PHKB: variants seen among roughly 807,000 people sequenced by gnomAD.
PHKB encodes the protein phosphorylase b kinase regulatory subunit beta.
A neutral mutation model predicts 152.1 loss-of-function variants in PHKB; 122 were observed. The observed-to-expected ratio is 0.80, with a 90% confidence interval of 0.69 to 0.93. The LOEUF (loss-of-function observed/expected upper bound fraction) is 0.93, where lower values mean the gene tolerates loss of function less well. PHKB is among the 40% of genes least tolerant of loss of function. The pLI, the probability that PHKB is intolerant of heterozygous loss-of-function variation, is 0.00. For missense variants in PHKB, 1,304 were observed against 1,328.4 expected, an observed-to-expected ratio of 0.98 and a Z score of 0.29; for synonymous variants, 436 against 464.9, an observed-to-expected ratio of 0.94 and a Z score of 0.80.
chr16:47,542,922 A>G (rs1236619445), intron 6 of PHKB, among the ~76,000 whole-genome samples: 1 of 152,138 alleles, frequency 6.6e-6, no homozygotes, highest in Admixed American at 6.6e-5. Flanking sequence ...GGGTTTTCTA[A>G]ATATACAATC....
At chr16:47,504,884 G>T (rs796922816) in intron 4 of PHKB, among the ~76,000 whole-genome samples, 1 of 152,218 alleles carries the variant, frequency 6.6e-6, no homozygotes, top group African/African-American at 2.4e-5. Context: ...CACCCAGGGC[G>T]GTGCCCCAGA....
chr16:47,663,619 A>G, intron 23 of PHKB, 58 bp from the exon 24 acceptor site: 1 of 1,381,142 alleles, frequency 7.2e-7, no homozygotes, highest in Admixed American at 1.7e-5. Context: ...AGAGGAATAA[A>G]TGTTGTGCAT....
chr16:47,699,522 A>C lies in PHKB; in HGVS notation c.*156A>C. The C allele has an allele frequency of 1.2e-6, 1 of 812,264 alleles. No homozygotes were observed. Among genetic ancestry groups the C allele is most frequent in the South Asian group, 1.4e-5 (1 of 72,904 alleles). The allele number at this position is 812,264 out of a possible 1,614,324, so 50.3% of individuals were successfully genotyped here. A position where few individuals can be genotyped will look rare whatever the true frequency, so the allele number is the denominator to read the frequency against. On this transcript the variant is annotated 3_prime_UTR_variant, in exon 31 of 31. Transcript: ENST00000323584. Reference sequence around the variant, plus strand: ...CGGGGTTATGGACCTCTTGCATGTCATAGCCAATCTAACGGTAATGGTAAA... The same window carrying C: ...CGGGGTTATGGACCTCTTGCATGTCCTAGCCAATCTAACGGTAATGGTAAA...
intron 13 of PHKB, among the ~76,000 whole-genome samples, chr16:47,609,332 A>G (rs1283611144): frequency 1.3e-5 from 2 of 149,054 alleles, no homozygotes; most frequent in Non-Finnish European, 3.0e-5. Flanking sequence ...TTGTGTCTAT[A>G]TTCATACAGA....
intron 6 of PHKB, among the ~76,000 whole-genome samples, chr16:47,543,114 T>A (rs1271984776): frequency 1.3e-5 from 2 of 152,226 alleles, no homozygotes; most frequent in African/African-American, 4.8e-5. Context: ...TTTTGCCCAT[T>A]CAGTGTGATA....
chr16:47,523,703 C>T (rs149880271), intron 6 of PHKB, among the ~76,000 whole-genome samples: 4 of 152,282 alleles, frequency 2.6e-5, no homozygotes, highest in Non-Finnish European at 4.4e-5. Flanking sequence ...GACACTTCAT[C>T]CCCCAGGTTT....
intron 16 of PHKB, among the ~76,000 whole-genome samples, chr16:47,642,597 G>A (rs1042328810): frequency 1.3e-5 from 2 of 152,154 alleles, no homozygotes; most frequent in Non-Finnish European, 2.9e-5. Flanking sequence ...AATATAAATG[G>A]TTGTAGTCAA....
intron 26 of PHKB, among the ~76,000 whole-genome samples, chr16:47,684,202 G>C (rs1462658587): frequency 6.6e-6 from 1 of 151,964 alleles, no homozygotes; most frequent in African/African-American, 2.4e-5. Context: ...GTGTAGCGGT[G>C]CCTGCCTGTA....
chr16:47,686,676 A>T (rs1244545021), intron 26 of PHKB, among the ~76,000 whole-genome samples: 4 of 152,178 alleles, frequency 2.6e-5, no homozygotes, highest in African/African-American at 9.6e-5. Flanking sequence ...TATTTGGTAC[A>T]TTCCCATGTA....
At chr16:47,541,509 C>T (rs573261956) in intron 6 of PHKB, among the ~76,000 whole-genome samples, 1 of 152,150 alleles carries the variant, frequency 6.6e-6, no homozygotes, top group Non-Finnish European at 1.5e-5. Context: ...TGGGAATATA[C>T]CCAGTAATGG....
At chr16:47,600,557 T>C (rs1972204561) in intron 13 of PHKB, among the ~76,000 whole-genome samples, 1 of 152,202 alleles carries the variant, frequency 6.6e-6, no homozygotes, top group Non-Finnish European at 1.5e-5. Context: ...AGTACAGTCA[T>C]TCATTGCTTA....
intron 7 of PHKB, among the ~76,000 whole-genome samples, chr16:47,567,204 ATTGATTCT>A (rs766880621): frequency 6.6e-6 from 1 of 152,040 alleles, no homozygotes; most frequent in Non-Finnish European, 1.5e-5. Context: ...GTTTCACAAT[ATTGATTCT>A]TCCAATCCCT....
At chr16:47,527,466 AG>A (rs1970788040) in intron 6 of PHKB, among the ~76,000 whole-genome samples, 1 of 152,250 alleles carries the variant, frequency 6.6e-6, no homozygotes, top group South Asian at 2.1e-4. Context: ...AGTTAAACAG[AG>A]AAACAATATT....
At position 47,575,300 on chromosome 16, in the gene PHKB, C is replaced by T. The variant is rs374864050; in HGVS notation, c.711-4995C>T. ...TATGGAAAACAGTATGGAGGTTTCTCGAATAACTTAAAATAGCACTACCTT... is the reference window on the plus strand; with the variant it reads ...TATGGAAAACAGTATGGAGGTTTCTTGAATAACTTAAAATAGCACTACCTT... On this transcript the variant is annotated intron_variant, in intron 7 of 30. Coordinates refer to ENST00000323584, the MANE Select transcript of PHKB (RefSeq NM_000293.3). Among the ~76,000 whole-genome samples, 5 of 152,250 alleles carry T rather than the reference C, an allele frequency of 3.3e-5. No individual in the cohort carries two copies. The East Asian group carries it at 9.7e-4, about 29-fold the overall frequency.
At chr16:47,592,926 G>T (rs933882790) in intron 10 of PHKB, among the ~76,000 whole-genome samples, 1 of 151,960 alleles carries the variant, frequency 6.6e-6, no homozygotes, top group South Asian at 2.1e-4. Context: ...TTGACATATC[G>T]CCTAACTATA....
At chr16:47,581,638 A>T (rs1971848032) in intron 8 of PHKB, among the ~76,000 whole-genome samples, 1 of 152,196 alleles carries the variant, frequency 6.6e-6, no homozygotes, top group Non-Finnish European at 1.5e-5. Flanking sequence ...CTTTGCAGAG[A>T]TTAAACTTTT....
At chr16:47,488,488 G>T (rs1378831994) in intron 1 of PHKB, among the ~76,000 whole-genome samples, 1 of 152,194 alleles carries the variant, frequency 6.6e-6, no homozygotes, top group East Asian at 1.9e-4. Flanking sequence ...TGTTGCAATT[G>T]CATTTGGATT....
chr16:47,678,880 C>G (rs1301170192), intron 26 of PHKB, among the ~76,000 whole-genome samples: 2 of 152,176 alleles, frequency 1.3e-5, no homozygotes, highest in Non-Finnish European at 2.9e-5. Context: ...CCTAGGTTTT[C>G]TTCTAGGGTT....
intron 20 of PHKB, among the ~76,000 whole-genome samples, chr16:47,656,945 T>C (rs1973348984): frequency 6.6e-6 from 1 of 152,172 alleles, no homozygotes; most frequent in South Asian, 2.1e-4. Context: ...TTGGAGATTT[T>C]TCCCCTCATG....
Sources: gnomAD v4.1 joint callset for allele counts (sites outside exome capture counted in the v4.1 genomes callset) on GRCh38, gnomAD v4.1.1 for gene constraint, MANE v1.5 for transcripts, NCBI Gene and HGNC (gene_info 2026-07-23, HGNC 2026-07-21) for gene names.